The following WTAP variants were observed in gnomAD, a reference collection of about 807,000 sequenced individuals.
The protein encoded by WTAP is pre-mRNA-splicing regulator WTAP.
Under a neutral mutation model 50.0 loss-of-function variants are expected in WTAP, and 8 were observed. The ratio of observed to expected loss-of-function variants is 0.16; its 90% CI spans 0.09 to 0.29. The LOEUF is 0.29. Among genes scored for constraint, WTAP ranks in the 10% least tolerant of loss-of-function variants. The probability of loss-of-function intolerance (pLI) is 1.00; values close to 1 mark genes in which losing one functional copy is unlikely to be tolerated. For missense variants in WTAP, 295 were observed against 470.7 expected, an observed-to-expected ratio of 0.63 and a Z score of 3.45; for synonymous variants, 194 against 169.0, an observed-to-expected ratio of 1.15 and a Z score of -1.15.
In WTAP at chr6:159,748,616, A is replaced by C; in HGVS notation, c.452+247A>C. 1 of 1,298,840 alleles carries C rather than the reference A, an allele frequency of 7.7e-7. No homozygotes were observed. Among genetic ancestry groups the C allele is most frequent in the East Asian group, 2.8e-5 (1 of 35,184 alleles). The allele number at this position is 1,298,840 out of a possible 1,614,324, so 80.5% of individuals were successfully genotyped here. On this transcript the variant is annotated intron_variant, in intron 6 of 7. Coordinates refer to ENST00000621533, the MANE Select transcript of WTAP (RefSeq NM_001270531.2). The surrounding 1 kb of genome is among the most constrained non-coding windows in gnomAD (Gnocchi z 5.6). ...GGCCTGATGGCGTCGGACTATTCCGAAGAAGTGGCCACCTCCGAAAAATTC... is the reference window on the plus strand; with the variant it reads ...GGCCTGATGGCGTCGGACTATTCCGCAGAAGTGGCCACCTCCGAAAAATTC...
intron 5 of WTAP, among the ~76,000 whole-genome samples, chr6:159,745,784 A>G (rs1011505020): frequency 5.3e-5 from 8 of 152,188 alleles, no homozygotes; most frequent in African/African-American, 1.9e-4. Context: ...TTTAAGCAGG[A>G]AAACCAATTG....
intron 1 of WTAP, among the ~76,000 whole-genome samples, chr6:159,728,203 A>G (rs1471359046): frequency 6.6e-6 from 1 of 152,248 alleles, no homozygotes; most frequent in Non-Finnish European, 1.5e-5. Context: ...GAGGAAAGAA[A>G]CTGAATTATT....
intron 3 of WTAP, among the ~76,000 whole-genome samples, chr6:159,740,684 G>T (rs928404483): frequency 2.8e-5 from 4 of 142,546 alleles, no homozygotes; most frequent in Admixed American, 7.0e-5. Context: ...TATTAGGAAG[G>T]TTTTTTTTTT....
At chr6:159,751,236 CATTT>C (rs917488537) in intron 6 of WTAP, among the ~76,000 whole-genome samples, 8 of 152,192 alleles carry the variant, frequency 5.3e-5, no homozygotes, top group African/African-American at 9.7e-5. Context: ...TTAGCTTAGA[CATTT>C]ATTTATTAAA....
At chr6:159,736,590 T>A (rs1312168071) in intron 2 of WTAP, 2 of 256,512 alleles carry the variant, frequency 7.8e-6, no homozygotes, top group Non-Finnish European at 1.5e-5. Context: ...CTCTTAATGT[T>A]CATTATGTAA....
intron 3 of WTAP, among the ~76,000 whole-genome samples, chr6:159,740,707 T>TC (rs1162901846): frequency 6.6e-6 from 1 of 150,932 alleles, no homozygotes; most frequent in Non-Finnish European, 1.5e-5. Context: ...CTTTTTTCTT[T>TC]CTTTTTTTTT....
intron 1 of WTAP, among the ~76,000 whole-genome samples, chr6:159,728,217 G>A (rs1037097811): frequency 2.8e-4 from 42 of 152,344 alleles, no homozygotes; most frequent in African/African-American, 9.1e-4. Flanking sequence ...AATTATTGCA[G>A]ATTTTTGTGA....
intron 1 of WTAP, among the ~76,000 whole-genome samples, chr6:159,728,999 C>G (rs1447625908): frequency 6.6e-6 from 1 of 152,146 alleles, no homozygotes; most frequent in Non-Finnish European, 1.5e-5. Context: ...TCTAGCTTTT[C>G]CAATTCAACG....
intron 2 of WTAP, 109 bp from the exon 3 acceptor site, chr6:159,738,881 T>G (rs1033287908): frequency 2.8e-6 from 2 of 707,672 alleles, no homozygotes; most frequent in Admixed American, 3.2e-5. Flanking sequence ...AATCATAATA[T>G]GTACTGAGCC....
rs1485484821 is a variant in WTAP at position 159,755,427 on chromosome 6, A to G, written c.1007A>G (p.Tyr336Cys). ...TACGTAAATCAACTCAGTGCGGGGTATGAAAGTGTAGACTCTCCCACGGGC... is the reference window on the plus strand; with the variant it reads ...TACGTAAATCAACTCAGTGCGGGGTGTGAAAGTGTAGACTCTCCCACGGGC... ...SGYVNQLSAG[Y>C]ESVDSPTGSE... is the part of the protein sequence containing the mutation. Residue 336 changes from tyrosine to cysteine, a missense_variant, in exon 8 of 8, where the codon TAT (tyrosine) becomes TGT (cysteine). Tyr to Cys is a radical substitution (Grantham distance 194, BLOSUM62 -2). This residue lies in a region of WTAP where 175 missense variants were observed against 183.1 expected (regional missense o/e 0.96). Transcript: ENST00000621533. 1.2e-6 allele frequency: 2 copies of G among 1,614,074 alleles called. No homozygotes were observed. The highest frequency in any genetic ancestry group is 1.3e-5 in the African/African-American group (1 of 74,908).
At chr6:159,727,360 C>G, upstream of WTAP, 3 of 795,452 alleles carry the variant, frequency 3.8e-6, no homozygotes, top group East Asian at 8.3e-5. Flanking sequence ...GCGAACATGG[C>G]GGAGCGGGGA....
chr6:159,737,123 C>A (rs1402012859), intron 2 of WTAP, among the ~76,000 whole-genome samples: 1 of 151,970 alleles, frequency 6.6e-6, no homozygotes, highest in East Asian at 1.9e-4. Flanking sequence ...TCTTGGCTTA[C>A]TGCAGTCTCC....
At chr6:159,730,558 T>C (rs1778503580) in intron 1 of WTAP, among the ~76,000 whole-genome samples, 1 of 152,260 alleles carries the variant, frequency 6.6e-6, no homozygotes, top group South Asian at 2.1e-4. Flanking sequence ...TTGTAGACAG[T>C]TGTAAATTTT....
chr6:159,747,523 T>A (rs780054190), intron 5 of WTAP, among the ~76,000 whole-genome samples: 9 of 152,166 alleles, frequency 5.9e-5, no homozygotes, highest in Non-Finnish European at 1.3e-4. Context: ...TCCTATAGAG[T>A]TTTGCTTTTA....
chr6:159,751,819 T>C (rs2114954951), intron 6 of WTAP, among the ~76,000 whole-genome samples: 1 of 152,292 alleles, frequency 6.6e-6, no homozygotes, highest in African/African-American at 2.4e-5. Context: ...CCCAACACTT[T>C]GGAAGGCTGA....
chr6:159,734,538 G>A (rs753992573), intron 1 of WTAP, among the ~76,000 whole-genome samples: 9 of 152,100 alleles, frequency 5.9e-5, no homozygotes, highest in Non-Finnish European at 8.8e-5. Context: ...AGGGCTGGGC[G>A]TGATCCTTCC....
upstream of WTAP, chr6:159,727,197 C>T: frequency 2.4e-6 from 3 of 1,234,322 alleles, no homozygotes; most frequent in Non-Finnish European, 2.1e-6. Flanking sequence ...GGAGTGTTAC[C>T]GGGGAGCAGC....
upstream of WTAP, chr6:159,727,399 G>GGGAGGCA (rs1414126216): frequency 1.7e-6 from 2 of 1,202,814 alleles, no homozygotes; most frequent in Non-Finnish European, 1.1e-6. Context: ...GGCGGGAGGC[G>GGGAGGCA]GGAGGCAGTG....
chr6:159,755,636 A>C lies in WTAP; in HGVS notation c.*25A>C, dbSNP rs763105925. ...ATATTTTTTCAGCAAATTTTTATACAGTGTCATTTAATTTGGGAGAGGATA... is the reference window on the plus strand; with the variant it reads ...ATATTTTTTCAGCAAATTTTTATACCGTGTCATTTAATTTGGGAGAGGATA... On this transcript the variant is annotated 3_prime_UTR_variant, in exon 8 of 8. Coordinates refer to ENST00000621533, the MANE Select transcript of WTAP (RefSeq NM_001270531.2). 6.5e-7 allele frequency: 1 copy of C among 1,549,040 alleles called. No homozygotes were observed. Among genetic ancestry groups the C allele is most frequent in the Non-Finnish European group, 8.7e-7 (1 of 1,149,894 alleles).
Sources: gnomAD v4.1 joint callset for allele counts (sites outside exome capture counted in the v4.1 genomes callset) on GRCh38, gnomAD v4.1.1 for gene constraint, gnomAD v4.1.1 regional missense constraint, Gnocchi (gnomAD v3.1) non-coding constraint, MANE v1.5 for transcripts, NCBI Gene and HGNC (gene_info 2026-07-23, HGNC 2026-07-21) for gene names.